Variants in OR1L8 observed in about 807,000 individuals in gnomAD.
OR1L8 encodes the protein olfactory receptor family 1 subfamily L member 8, also known as olfactory receptor 1L8.
For synonymous variants in OR1L8, 148 were observed against 147.0 expected, an observed-to-expected ratio of 1.01 and a Z score of -0.05; for missense variants, 330 against 377.4, an observed-to-expected ratio of 0.87 and a Z score of 1.04.
At chr9:122,548,898 T>G in the OR1L8 span, among the ~76,000 whole-genome samples, 2 of 151,988 alleles carry the variant, frequency 1.3e-5, no homozygotes, top group African/African-American at 4.8e-5. Flanking sequence ...TTGGCAAATA[T>G]TTTCTCCCAT....
chr9:122,578,753 G>A (rs1829699173), intron 1 of OR1L8, among the ~76,000 whole-genome samples: 1 of 152,140 alleles, frequency 6.6e-6, no homozygotes, highest in African/African-American at 2.4e-5. Context: ...TAGGAGCTGA[G>A]CTATGAGAAC....
Position 122,568,412 on chromosome 9 carries a change from A to T in OR1L8, c.66T>A (p.Pro22=). ...EFILLGLSSR[P]EDQKTLFVLF... ...GAACAAAGAGTGTCTTTTGGTCCTC[A>T]GGCCGGGAGGAGAGTCCCAGGAGGA... is the stretch of plus-strand genomic sequence containing the variant. The change falls in exon 5 of 5, where the codon CCT becomes CCA. Residue 22 remains proline, a synonymous_variant. Coordinates refer to ENST00000641027, the MANE Select transcript of OR1L8 (RefSeq NM_001004454.2). The T allele has an allele frequency of 6.2e-7, 1 of 1,613,554 alleles. No homozygotes were observed. The highest frequency in any genetic ancestry group is 8.5e-7 in the Non-Finnish European group (1 of 1,179,548).
chr9:122,563,040 G>A (rs139080120), downstream of OR1L8, among the ~76,000 whole-genome samples: 8 of 152,228 alleles, frequency 5.3e-5, no homozygotes, highest in African/African-American at 1.7e-4. Flanking sequence ...ATAACCAGTA[G>A]TGGGACTACT....
At chr9:122,550,562 T>G in the OR1L8 span, among the ~76,000 whole-genome samples, 2 of 73,012 alleles carry the variant, frequency 2.7e-5, no homozygotes, top group South Asian at 1.1e-3. Context: ...ATCAAGTGGG[T>G]TTTTTTTTTG....
chr9:122,566,888 A>T (rs78412870), downstream of OR1L8, among the ~76,000 whole-genome samples: 2,810 of 152,282 alleles, frequency 0.018, 81 homozygotes, highest in African/African-American at 0.064. Context: ...GATAATTTCC[A>T]TGTTATCCCT....
At chr9:122,562,810 G>A (rs371408351), downstream of OR1L8, among the ~76,000 whole-genome samples, 18 of 151,870 alleles carry the variant, frequency 1.2e-4, no homozygotes, top group Non-Finnish European at 4.4e-5. Flanking sequence ...ACATAATGTC[G>A]ACTAGGTTCA....
At chr9:122,553,757 T>G in the OR1L8 span, 1 of 1,614,088 alleles carries the variant, frequency 6.2e-7, no homozygotes. Context: ...ATTTCTATTG[T>G]GATCCTAGTG....
chr9:122,568,139 G>T lies in OR1L8; in HGVS notation c.339C>A (p.Ser113Arg). The part of the protein sequence containing the change: ...YFLYALGNSD[S>R]CLLAVMAFDR... ...CAAAGGCCATGACTGCCAGAAGGCAGCTGTCACTGTTGCCCAAGGCATAGA... is the reference window on the plus strand; with the variant it reads ...CAAAGGCCATGACTGCCAGAAGGCATCTGTCACTGTTGCCCAAGGCATAGA... The change falls in exon 5 of 5, where the codon AGC (serine) becomes AGA (arginine). Residue 113 changes from serine to arginine, a missense_variant. Coordinates refer to ENST00000641027, the MANE Select transcript of OR1L8 (RefSeq NM_001004454.2). The T allele has an allele frequency of 3.1e-6, 5 of 1,614,120 alleles. No individual in the cohort carries two copies. Among genetic ancestry groups the T allele is most frequent in the Non-Finnish European group, 4.2e-6 (5 of 1,179,962 alleles).
At chr9:122,577,731 T>C (rs916842936) in intron 2 of OR1L8, among the ~76,000 whole-genome samples, 5 of 152,194 alleles carry the variant, frequency 3.3e-5, no homozygotes, top group African/African-American at 1.2e-4. Context: ...CAGTATTTAT[T>C]TAAATATTTT....
intron 1 of OR1L8, among the ~76,000 whole-genome samples, chr9:122,581,347 A>G (rs56903795): frequency 0.022 from 3,282 of 151,964 alleles, 66 homozygotes; most frequent in African/African-American, 0.054. Flanking sequence ...GCCTGGCGAC[A>G]GAGCAAGACT....
intron 1 of OR1L8, among the ~76,000 whole-genome samples, chr9:122,578,865 G>A (rs1373549388): frequency 2.0e-5 from 3 of 151,800 alleles, no homozygotes; most frequent in Non-Finnish European, 4.4e-5. Context: ...ACACTGCTCG[G>A]GTGCACCAAA....
At chr9:122,554,110 T>C in the OR1L8 span, 3 of 1,613,732 alleles carry the variant, frequency 1.9e-6, no homozygotes, top group Non-Finnish European at 2.5e-6. Flanking sequence ...AACAGAGACA[T>C]GAAGGAGGCT....
downstream of OR1L8, among the ~76,000 whole-genome samples, chr9:122,562,628 G>A (rs1165521852): frequency 2.0e-5 from 3 of 152,216 alleles, no homozygotes; most frequent in South Asian, 2.1e-4. Context: ...CTTCCTCTCC[G>A]TGTGTCATAC....
chr9:122,571,374 A>G (rs978135162), intron 4 of OR1L8, among the ~76,000 whole-genome samples: 1 of 151,970 alleles, frequency 6.6e-6, no homozygotes, highest in African/African-American at 2.4e-5. Context: ...ACACGGTTAA[A>G]TCCTGTCTCT....
chr9:122,549,121 G>T, the OR1L8 span, among the ~76,000 whole-genome samples: 2 of 151,998 alleles, frequency 1.3e-5, no homozygotes, highest in African/African-American at 2.4e-5. Context: ...GTTGGATGTG[G>T]GGCCTAGTGA....
the OR1L8 span, chr9:122,553,640 C>G: frequency 1.2e-6 from 2 of 1,614,000 alleles, no homozygotes; most frequent in South Asian, 2.2e-5. Flanking sequence ...GTCCCCAGCT[C>G]TGTGCACTAA....
At chr9:122,566,305 T>C (rs1052225995), downstream of OR1L8, among the ~76,000 whole-genome samples, 3 of 152,204 alleles carry the variant, frequency 2.0e-5, no homozygotes, top group African/African-American at 7.2e-5. Flanking sequence ...TTCTATTCCA[T>C]TGGCAATAAA....
In OR1L8 at chr9:122,567,543, G is replaced by A; in HGVS notation, c.*5C>T. The stretch of plus-strand genomic sequence containing the variant: ...CCACTTACGAGTTTTTCAAGAGGGT[G>A]CTTCCTAGGATCTCTTGCTCATAAG... On this transcript the variant is annotated 3_prime_UTR_variant, in exon 5 of 5. Coordinates refer to ENST00000641027, the MANE Select transcript of OR1L8 (RefSeq NM_001004454.2). 6.5e-7 allele frequency: 1 copy of A among 1,549,228 alleles called. No homozygotes were observed.
At chr9:122,574,469 G>A (rs923292393) in intron 3 of OR1L8, among the ~76,000 whole-genome samples, 62 of 151,948 alleles carry the variant, frequency 4.1e-4, no homozygotes, top group African/African-American at 1.4e-3. Flanking sequence ...ATGATATTCT[G>A]TTCTTAATTT....
Sources: gnomAD v4.1 joint callset for allele counts (sites outside exome capture counted in the v4.1 genomes callset) on GRCh38, gnomAD v4.1.1 for gene constraint, MANE v1.5 for transcripts, NCBI Gene and HGNC (gene_info 2026-07-23, HGNC 2026-07-21) for gene names.